The following CSMD1 variants were observed in gnomAD, a reference collection of about 807,000 sequenced individuals.
CSMD1 encodes the protein CUB and sushi domain-containing protein 1.
In CSMD1, 213 loss-of-function variants were observed where a neutral mutation model predicts 417.5. The observed-to-expected ratio is 0.51, with a 90% CI of 0.46 to 0.57. The LOEUF is 0.57. Among genes scored for constraint, CSMD1 ranks in the 20% least tolerant of loss-of-function variants. The probability of loss-of-function intolerance (pLI) is 0.00; values close to 1 mark genes in which losing one functional copy is unlikely to be tolerated. For missense variants in CSMD1, 6,923 were observed against 4,529.7 expected (o/e 1.53, Z -15.17); for synonymous variants, 2,862 against 1,736.8 (o/e 1.65, Z -16.11).
At chr8:3,993,797 T>C (rs1814943345) in intron 5 of CSMD1, among the ~76,000 whole-genome samples, 1 of 152,218 alleles carries the variant, frequency 6.6e-6, no homozygotes, top group Non-Finnish European at 1.5e-5. Flanking sequence ...TCACACAACC[T>C]GTTTGTTTCA....
Position 3,283,635 on chromosome 8 carries a change from GAATAATTCTCT to G in CSMD1, c.4153+498_4153+508del, listed in dbSNP as rs960998007. ...CCCTTCTGCCCTGAAGCAGGGCATA[GAATAATTCTCT>G]GGCCTTCCTTGGAAGCAGGTCATGA... On this transcript the variant is annotated intron_variant, in intron 26 of 69. Coordinates refer to ENST00000635120, the MANE Select transcript of CSMD1 (RefSeq NM_033225.6). Among the ~76,000 whole-genome samples, 41 of 152,240 alleles carry G rather than the reference GAATAATTCTCT, an allele frequency of 2.7e-4. 2 individuals carry two copies. Among genetic ancestry groups the G allele is most frequent in the Admixed American group, 2.5e-3 (39 of 15,298 alleles).
intron 2 of CSMD1, among the ~76,000 whole-genome samples, chr8:4,618,582 A>T (rs1246690649): frequency 1.3e-5 from 2 of 152,106 alleles, no homozygotes; most frequent in Non-Finnish European, 2.9e-5. Flanking sequence ...TCCTGGATCC[A>T]ACAAATGAAG....
At chr8:3,106,214 C>A (rs1178676812) in intron 46 of CSMD1, among the ~76,000 whole-genome samples, 3 of 102,756 alleles carry the variant, frequency 2.9e-5, no homozygotes, top group Non-Finnish European at 4.1e-5. Flanking sequence ...GTTGAAAACC[C>A]ATTTCTACAA....
chr8:4,428,632 A>C (rs895249080), intron 2 of CSMD1, among the ~76,000 whole-genome samples: 2 of 152,160 alleles, frequency 1.3e-5, no homozygotes, highest in Admixed American at 1.3e-4. Context: ...GGAAACACGG[A>C]AACTACAGAA....
chr8:4,261,242 T>C (rs770934577), intron 3 of CSMD1, among the ~76,000 whole-genome samples: 7 of 152,154 alleles, frequency 4.6e-5, no homozygotes, highest in South Asian at 2.1e-4. Flanking sequence ...TCTTGTGTAG[T>C]AGACTCAAAA....
At chr8:3,014,204 A>AAAC (rs71199523) in intron 52 of CSMD1, among the ~76,000 whole-genome samples, 130,806 of 151,842 alleles carry the variant, frequency 0.86, 56,672 homozygotes, top group African/African-American at 0.93. Context: ...TTTGATTCAG[A>AAAC]AACATTTCTG....
intron 12 of CSMD1, among the ~76,000 whole-genome samples, chr8:3,433,490 G>T (rs982014772): frequency 6.6e-6 from 1 of 152,102 alleles, no homozygotes; most frequent in Non-Finnish European, 1.5e-5. Context: ...TGGGCGGATT[G>T]CTTCTTGGTT....
chr8:4,102,783 G>C (rs909339696), intron 3 of CSMD1, among the ~76,000 whole-genome samples: 1 of 152,198 alleles, frequency 6.6e-6, no homozygotes, highest in African/African-American at 2.4e-5. Context: ...ACAAAAGGAA[G>C]ATGATTTTTC....
chr8:4,339,783 G>A (rs192382909), intron 3 of CSMD1, among the ~76,000 whole-genome samples: 1 of 152,190 alleles, frequency 6.6e-6, no homozygotes, highest in African/African-American at 2.4e-5. Flanking sequence ...TAATGCTTTG[G>A]GAGAATGAGG....
chr8:4,424,974 A>C (rs1448766877), intron 2 of CSMD1, among the ~76,000 whole-genome samples: 1 of 152,120 alleles, frequency 6.6e-6, no homozygotes, highest in Non-Finnish European at 1.5e-5. Context: ...AGATTAAAAT[A>C]ATCTAGTAAC....
At chr8:3,360,237 C>A (rs887282150) in intron 20 of CSMD1, among the ~76,000 whole-genome samples, 3 of 152,170 alleles carry the variant, frequency 2.0e-5, no homozygotes, top group Non-Finnish European at 2.9e-5. Flanking sequence ...GAAGGAAGTG[C>A]TAAATATAAA....
intron 3 of CSMD1, among the ~76,000 whole-genome samples, chr8:4,238,403 A>G (rs1431526214): frequency 6.6e-6 from 1 of 152,140 alleles, no homozygotes. Flanking sequence ...CCCTGAGCAC[A>G]CATGGTATAC....
chr8:3,036,520 T>G (rs1336823663), intron 50 of CSMD1, among the ~76,000 whole-genome samples: 1 of 152,184 alleles, frequency 6.6e-6, no homozygotes, highest in East Asian at 1.9e-4. Context: ...GTAAACTGAT[T>G]TAATCAGCCT....
chr8:4,478,655 T>A (rs991450986), intron 2 of CSMD1, among the ~76,000 whole-genome samples: 1 of 152,352 alleles, frequency 6.6e-6, no homozygotes, highest in East Asian at 1.9e-4. Context: ...AATTTTCTAA[T>A]GTCAAGTTAA....
intron 3 of CSMD1, among the ~76,000 whole-genome samples, chr8:4,102,817 C>T (rs1391471311): frequency 6.6e-6 from 1 of 152,162 alleles, no homozygotes; most frequent in African/African-American, 2.4e-5. Context: ...GTGTGCAGCC[C>T]GCATTCATAT....
chr8:4,081,640 T>G (rs1800139290), intron 3 of CSMD1, among the ~76,000 whole-genome samples: 1 of 152,148 alleles, frequency 6.6e-6, no homozygotes, highest in Non-Finnish European at 1.5e-5. Flanking sequence ...AGATATGGAC[T>G]AAAATAGATA....
intron 49 of CSMD1, among the ~76,000 whole-genome samples, chr8:3,071,445 C>G (rs1001005303): frequency 2.6e-5 from 4 of 152,168 alleles, no homozygotes; most frequent in South Asian, 2.1e-4. Context: ...ATGCAGCAAA[C>G]CACCATGGCA....
chr8:4,882,240 G>A (rs193225790), intron 1 of CSMD1, among the ~76,000 whole-genome samples: 1 of 151,874 alleles, frequency 6.6e-6, no homozygotes, highest in Non-Finnish European at 1.5e-5. Context: ...CATCCTCTAC[G>A]TGCCCTGAGG....
At chr8:4,644,295 CT>C (rs1803378441) in intron 1 of CSMD1, among the ~76,000 whole-genome samples, 1 of 152,194 alleles carries the variant, frequency 6.6e-6, no homozygotes, top group Non-Finnish European at 1.5e-5. Flanking sequence ...CCGAAATGAG[CT>C]TTGCCCAGAT....
Sources: allele counts gnomAD v4.1 joint callset (sites outside exome capture counted in the v4.1 genomes callset), GRCh38; gene constraint gnomAD v4.1.1; transcripts MANE v1.5; gene names NCBI Gene and HGNC (gene_info 2026-07-23, HGNC 2026-07-21).